PLA2G6: variants seen among roughly 807,000 people sequenced by gnomAD.
The protein encoded by PLA2G6 is phospholipase A2 group VI.
PLA2G6 carries 62 observed loss-of-function variants against 83.8 expected under a neutral mutation model. That is an observed-to-expected ratio of 0.74 (90% CI 0.60 to 0.91). The LOEUF (loss-of-function observed/expected upper bound fraction) is 0.91. Ranked by LOEUF, PLA2G6 falls within the 40% of genes least tolerant of loss-of-function variation. The pLI, the probability that PLA2G6 is intolerant of heterozygous loss-of-function variation, is 0.00. For missense variants in PLA2G6, 944 were observed against 1,102.0 expected (o/e 0.86, Z 2.03); for synonymous variants, 417 against 449.8 (o/e 0.93, Z 0.92).
At chr22:38,146,371 A>AG (rs1321360124) in intron 2 of PLA2G6, 2 of 152,386 alleles carry the variant, frequency 1.3e-5, no homozygotes, top group Non-Finnish European at 2.9e-5. Flanking sequence ...TTTTGTTGAC[A>AG]GGGGGTCTTG....
At chr22:38,178,837 G>C (rs1349779157) in intron 1 of PLA2G6, among the ~76,000 whole-genome samples, 1 of 152,150 alleles carries the variant, frequency 6.6e-6, no homozygotes, top group Non-Finnish European at 1.5e-5. Flanking sequence ...CTGCGCTCCA[G>C]CCTGGGCAAC....
At chr22:38,114,538 T>C (rs2087072084) in intron 14 of PLA2G6, among the ~76,000 whole-genome samples, 1 of 152,164 alleles carries the variant, frequency 6.6e-6, no homozygotes, top group Admixed American at 6.5e-5. Context: ...TGCTGGATGA[T>C]CTTGGGTGAT....
rs867087181 is a variant in PLA2G6, at chr22:38,154,849, G to A, written c.210-9196C>T. On this transcript the variant is annotated intron_variant, in intron 2 of 16. Coordinates refer to ENST00000332509, the MANE Select transcript of PLA2G6 (RefSeq NM_003560.4). Reference sequence around the variant, plus strand: ...GAGAATTCAAAATAGCTGTTTTGAGGGAACTCAGTGAAATTCAAGCTAACA... The same window carrying A: ...GAGAATTCAAAATAGCTGTTTTGAGAGAACTCAGTGAAATTCAAGCTAACA... Among the ~76,000 whole-genome samples the A allele has an allele frequency of 2.0e-5, 3 of 152,158 alleles. No homozygotes were observed. In the South Asian group the frequency reaches 6.2e-4, roughly 32 times the overall value.
rs139527167 is a variant in PLA2G6, at chr22:38,145,402, C to T, written c.425+36G>A. 93 of 1,526,176 alleles carry T rather than the reference C, an allele frequency of 6.1e-5. No individual in the cohort carries two copies. The East Asian group carries it at 2.1e-3, about 34-fold the overall frequency. The allele number at this position is 1,526,176 out of a possible 1,614,324, so 94.5% of individuals were successfully genotyped here. On this transcript the variant is annotated intron_variant, in intron 3 of 16. Transcript: ENST00000332509. ...CCCACTGCCCACACAAGCAGGTACA[C>T]ACACGTTGTCCAAATGGTCTTGTTC...
chr22:38,146,082 C>T (rs536908449), intron 2 of PLA2G6: 30 of 271,164 alleles, frequency 1.1e-4, no homozygotes, highest in African/African-American at 6.2e-4. Flanking sequence ...GTCACCCAGG[C>T]TGGAGTGCAG....
intron 2 of PLA2G6, chr22:38,148,866 T>C (rs1034986996): frequency 8.9e-5 from 10 of 112,672 alleles, no homozygotes; most frequent in South Asian, 3.1e-4. Flanking sequence ...TTTCTTTTTT[T>C]TTTTTTTTTT....
intron 3 of PLA2G6, chr22:38,145,192 C>A (rs561228925): frequency 3.7e-6 from 2 of 540,296 alleles, no homozygotes; most frequent in Admixed American, 6.1e-5. Context: ...TAGACACATG[C>A]TAATTTTTTA....
intron 5 of PLA2G6, chr22:38,136,668 CATAAT>C (rs1297538485): frequency 6.7e-6 from 1 of 148,814 alleles, no homozygotes; most frequent in Non-Finnish European, 1.5e-5. Context: ...AAAAAATAAA[CATAAT>C]ATATCAGAAT....
At chr22:38,146,098 T>C in intron 2 of PLA2G6, 1 of 228,464 alleles carries the variant, frequency 4.4e-6, no homozygotes, top group Non-Finnish European at 8.9e-6. Flanking sequence ...TGCAGTGTTG[T>C]AATCTCACCT....
chr22:38,113,190 GC>G (rs1178281060), intron 15 of PLA2G6, among the ~76,000 whole-genome samples: 1 of 152,028 alleles, frequency 6.6e-6, no homozygotes, highest in Non-Finnish European at 1.5e-5. Flanking sequence ...TACAGGGTGA[GC>G]GCCCAGCCCG....
At chr22:38,147,916 T>G (rs1242506701) in intron 2 of PLA2G6, 1 of 154,740 alleles carries the variant, frequency 6.5e-6, no homozygotes. Flanking sequence ...AATAAGGAAG[T>G]ACATTAAATA....
Position 38,120,874 on chromosome 22 carries a change from G to T in PLA2G6, c.1627C>A (p.Arg543Ser). 1 of 1,613,822 alleles carries T rather than the reference G, an allele frequency of 6.2e-7. No individual in the cohort carries two copies. Among genetic ancestry groups the T allele is most frequent in the Non-Finnish European group, 8.5e-7 (1 of 1,180,034 alleles). The stretch of plus-strand genomic sequence containing the variant: ...CCCCGGAACACCTCATCCTTCATGC[G>T]AAAGTACATGCCGCGCATGTAGGCC... ...SMAYMRGMYF[R>S]MKDEVFRGSR... Residue 543 changes from arginine to serine, a missense_variant, in exon 12 of 17, where the codon CGC becomes AGC. By Grantham distance (110) the Arg-to-Ser change is moderately radical. Transcript: ENST00000332509.
rs1012021265 is a variant in PLA2G6 at position 38,125,663 on chromosome 22, T to G, written c.1427+708A>C. ...CTCCGTGTGACCTTGAGCAAGTCACTTCACCTCTCAGGGGCTCAGGTTCTG... is the reference window on the plus strand; with the variant it reads ...CTCCGTGTGACCTTGAGCAAGTCACGTCACCTCTCAGGGGCTCAGGTTCTG... On this transcript the variant is annotated intron_variant, in intron 10 of 16. Coordinates refer to ENST00000332509, the MANE Select transcript of PLA2G6 (RefSeq NM_003560.4). 10 of 470,500 alleles carry G rather than the reference T, an allele frequency of 2.1e-5. No individual in the cohort carries two copies. The Admixed American group carries it at 2.4e-4, about 11-fold the overall frequency. The allele number at this position is 470,500 out of a possible 1,614,324, so 29.1% of individuals were successfully genotyped here. A position where few individuals can be genotyped will look rare whatever the true frequency, so the allele number is the denominator to read the frequency against.
At chr22:38,153,468 T>G (rs1314099980) in intron 2 of PLA2G6, among the ~76,000 whole-genome samples, 1 of 152,030 alleles carries the variant, frequency 6.6e-6, no homozygotes, top group Non-Finnish European at 1.5e-5. Flanking sequence ...TAAAGTTTAC[T>G]TTTTAATTGA....
At chr22:38,179,371 G>A (rs1031115995) in intron 1 of PLA2G6, among the ~76,000 whole-genome samples, 131 of 152,322 alleles carry the variant, frequency 8.6e-4, no homozygotes, top group African/African-American at 3.1e-3. Context: ...TTTGACCTGA[G>A]CAACTGAATG....
rs911148291 is a variant in PLA2G6 at position 38,143,302 on chromosome 22, C to T, written c.426-14G>A. 4.4e-6 allele frequency: 7 copies of T among 1,608,288 alleles called. No individual in the cohort carries two copies. Among genetic ancestry groups the T allele is most frequent in the African/African-American group, 2.7e-5 (2 of 74,908 alleles). On this transcript the variant is annotated splice_polypyrimidine_tract_variant and intron_variant, in intron 3 of 16. Coordinates refer to ENST00000332509, the MANE Select transcript of PLA2G6 (RefSeq NM_003560.4). ...CAATTGGCACAGCTGCAGGAGAGGG[C>T]CAGGGTGAGCAGAGGTGAGCAGGTG...
chr22:38,157,942 A>G (rs1194411326), intron 2 of PLA2G6, among the ~76,000 whole-genome samples: 1 of 151,800 alleles, frequency 6.6e-6, no homozygotes. Flanking sequence ...AGGCTGGGAC[A>G]GGAGAATTAC....
chr22:38,148,166 A>T (rs2089372453), intron 2 of PLA2G6: 1 of 289,390 alleles, frequency 3.5e-6, no homozygotes, highest in African/African-American at 2.3e-5. Flanking sequence ...CATTACTTTT[A>T]GTGGAATGGA....
intron 1 of PLA2G6, among the ~76,000 whole-genome samples, chr22:38,178,076 C>A (rs133025): frequency 1.4e-4 from 22 of 152,218 alleles, no homozygotes; most frequent in Non-Finnish European, 2.1e-4. Context: ...TCATTCACTC[C>A]GCTTGGCTGG....
Sources: allele counts gnomAD v4.1 joint callset (sites outside exome capture counted in the v4.1 genomes callset), GRCh38; gene constraint gnomAD v4.1.1; transcripts MANE v1.5; gene names NCBI Gene and HGNC (gene_info 2026-07-23, HGNC 2026-07-21).